Variants in CDC14A observed in about 807,000 individuals in gnomAD.
CDC14A encodes the protein cell division cycle 14A.
A neutral mutation model predicts 74.4 loss-of-function variants in CDC14A; 53 were observed. The ratio of observed to expected loss-of-function variants is 0.71; its 90% CI spans 0.57 to 0.89. The LOEUF is 0.89. CDC14A is among the 40% of genes least tolerant of loss of function. CDC14A has a pLI of 0.00. For missense variants in CDC14A, 646 were observed against 713.7 expected, an observed-to-expected ratio of 0.91 and a Z score of 1.08; for synonymous variants, 247 against 258.4, an observed-to-expected ratio of 0.96 and a Z score of 0.43.
At chr1:100,345,546 T>G (rs1306408729) in intron 1 of CDC14A, among the ~76,000 whole-genome samples, 1 of 152,204 alleles carries the variant, frequency 6.6e-6, no homozygotes, top group South Asian at 2.1e-4. Context: ...GGCTTCTGAT[T>G]ACAAATCCAG....
At chr1:100,469,594 T>G (rs146943625) in intron 10 of CDC14A, among the ~76,000 whole-genome samples, 2 of 152,204 alleles carry the variant, frequency 1.3e-5, no homozygotes, top group Non-Finnish European at 2.9e-5. Flanking sequence ...GAAGAAATGG[T>G]CTTAGGGTTA....
At chr1:100,501,909 A>G (rs1483977335) in intron 15 of CDC14A, among the ~76,000 whole-genome samples, 1 of 152,238 alleles carries the variant, frequency 6.6e-6, no homozygotes, top group Non-Finnish European at 1.5e-5. Flanking sequence ...GATATTTAAA[A>G]TAAAAAAAAT....
At chr1:100,388,814 G>T (rs977967480) in intron 3 of CDC14A, among the ~76,000 whole-genome samples, 1 of 152,098 alleles carries the variant, frequency 6.6e-6, no homozygotes, top group Non-Finnish European at 1.5e-5. Context: ...GCCTCTCAAA[G>T]TGTTGGAATT....
intron 4 of CDC14A, among the ~76,000 whole-genome samples, chr1:100,418,042 CTGTG>C (rs1661754240): frequency 6.6e-6 from 1 of 152,134 alleles, no homozygotes; most frequent in Non-Finnish European, 1.5e-5. Flanking sequence ...GCCAGACTGA[CTGTG>C]TGACCTTGAG....
intron 7 of CDC14A, among the ~76,000 whole-genome samples, chr1:100,449,260 T>C (rs1237480565): frequency 6.6e-6 from 1 of 152,210 alleles, no homozygotes; most frequent in Non-Finnish European, 1.5e-5. Context: ...CTTTCTTGGA[T>C]CTTGGGCCTC....
At chr1:100,389,067 C>T (rs940743321) in intron 3 of CDC14A, among the ~76,000 whole-genome samples, 4 of 148,640 alleles carry the variant, frequency 2.7e-5, no homozygotes, top group Non-Finnish European at 4.4e-5. Context: ...CCCAGCTACT[C>T]AGGAGGCCGA....
intron 11 of CDC14A, chr1:100,484,719 ACTTT>A (rs1037502273): frequency 9.5e-7 from 1 of 1,053,836 alleles, no homozygotes; most frequent in East Asian, 6.3e-5. Context: ...AGAAAAGCAA[ACTTT>A]CTATTTGAAA....
At chr1:100,477,917 G>T (rs1487062074) in intron 10 of CDC14A, among the ~76,000 whole-genome samples, 1 of 152,138 alleles carries the variant, frequency 6.6e-6, no homozygotes, top group East Asian at 1.9e-4. Context: ...ATGTCCAGGT[G>T]CTTGATTGCC....
intron 4 of CDC14A, among the ~76,000 whole-genome samples, chr1:100,418,190 G>C (rs1161748127): frequency 6.6e-6 from 1 of 151,974 alleles, no homozygotes; most frequent in Non-Finnish European, 1.5e-5. Context: ...GGTATATACT[G>C]TTAACTTTTT....
chr1:100,462,500 TAGG>T (rs1667406815), intron 8 of CDC14A, 148 bp from the exon 9 acceptor site: 2 of 630,680 alleles, frequency 3.2e-6, no homozygotes, highest in African/African-American at 3.7e-5. Flanking sequence ...TTGATGCTTG[TAGG>T]AGCTTGCTGT....
intron 7 of CDC14A, among the ~76,000 whole-genome samples, chr1:100,448,235 G>A (rs1276852539): frequency 6.6e-6 from 1 of 152,292 alleles, no homozygotes. Flanking sequence ...AACTGAGAAA[G>A]TACTTTGACT....
In CDC14A at chr1:100,432,734, TGTTA is replaced by T. The variant is rs993196430; in HGVS notation, c.390-7194_390-7191del. On this transcript the variant is annotated intron_variant, in intron 5 of 15. Transcript: ENST00000336454. ...ACACTACTAAAATTTACTTTTTTCT[TGTTA>T]GTTTATTTTAATATGGTTATAAAAA... Among the ~76,000 whole-genome samples the T allele has an allele frequency of 4.6e-5, 7 of 152,342 alleles. No individual in the cohort carries two copies. In the South Asian group the frequency reaches 6.2e-4, roughly 14 times the overall value.
In CDC14A at chr1:100,432,269, C is replaced by T. The variant is rs1663782843; in HGVS notation, c.390-7663C>T. ...ATATAAGCTCTTTCTTTTATTGTAGCTGGTACATATATGTCATAGATTTGT... is the reference window on the plus strand; with the variant it reads ...ATATAAGCTCTTTCTTTTATTGTAGTTGGTACATATATGTCATAGATTTGT... On this transcript the variant is annotated intron_variant, in intron 5 of 15. Transcript: ENST00000336454. Among the ~76,000 whole-genome samples the T allele has an allele frequency of 2.0e-5, 3 of 152,124 alleles. No homozygotes were observed. In the South Asian group the frequency reaches 6.2e-4, roughly 31 times the overall value.
intron 4 of CDC14A, among the ~76,000 whole-genome samples, chr1:100,420,120 G>GTTTTT (rs61463263): frequency 1.0e-4 from 5 of 48,200 alleles, no homozygotes; most frequent in African/African-American, 1.7e-4. Context: ...TGCTGAAAAG[G>GTTTTT]TTTTTTTTTT....
intron 4 of CDC14A, among the ~76,000 whole-genome samples, chr1:100,399,664 A>G (rs1046365458): frequency 1.3e-5 from 2 of 152,022 alleles, no homozygotes; most frequent in African/African-American, 2.4e-5. Flanking sequence ...TTTGTTTCCT[A>G]TATTTAGACC....
chr1:100,360,240 C>T (rs1218803865), intron 2 of CDC14A, among the ~76,000 whole-genome samples: 1 of 151,544 alleles, frequency 6.6e-6, no homozygotes, highest in African/African-American at 2.4e-5. Flanking sequence ...GCATGAGCCA[C>T]TGTGCCTAGC....
chr1:100,360,346 TTC>T (rs1279544458), intron 2 of CDC14A, among the ~76,000 whole-genome samples: 3 of 111,998 alleles, frequency 2.7e-5, no homozygotes, highest in East Asian at 3.1e-4. Flanking sequence ...TCATAGTTAG[TTC>T]TTTTTTTTTT....
chr1:100,358,579 T>C (rs1035824096), intron 2 of CDC14A, among the ~76,000 whole-genome samples: 1 of 152,228 alleles, frequency 6.6e-6, no homozygotes. Context: ...TTTAAGCAGT[T>C]TCTGAAGTGA....
At chr1:100,406,323 A>G (rs895384881) in intron 4 of CDC14A, among the ~76,000 whole-genome samples, 4 of 152,074 alleles carry the variant, frequency 2.6e-5, no homozygotes, top group Non-Finnish European at 4.4e-5. Flanking sequence ...CTCCCATTCT[A>G]TAGGTTGTCT....
Sources: allele counts gnomAD v4.1 joint callset (sites outside exome capture counted in the v4.1 genomes callset), GRCh38; gene constraint gnomAD v4.1.1; transcripts MANE v1.5; gene names NCBI Gene and HGNC (gene_info 2026-07-23, HGNC 2026-07-21).